The following BEST3 variants were observed in gnomAD, a reference collection of about 807,000 sequenced individuals.
BEST3 encodes the protein bestrophin-3.
A neutral mutation model predicts 47.1 loss-of-function variants in BEST3; 50 were observed. The ratio of observed to expected loss-of-function variants is 1.06; its 90% confidence interval spans 0.85 to 1.34. The LOEUF is 1.34. Among genes scored for constraint, BEST3 ranks in the 40% most tolerant of loss-of-function variants. The pLI is 0.00. For missense variants in BEST3, 765 were observed against 817.0 expected (o/e 0.94, Z 0.78); for synonymous variants, 282 against 298.8 (o/e 0.94, Z 0.58).
At position 69,699,297 on chromosome 12, in the gene BEST3, C is replaced by T. The variant is rs543360668; in HGVS notation, c.-108G>A. 11 of 985,392 alleles carry T rather than the reference C, an allele frequency of 1.1e-5. No individual in the cohort carries two copies. The African/African-American group carries it at 1.4e-4, about 13-fold the overall frequency. 61.0% of individuals were successfully genotyped at this position (985,392 alleles called of 1,614,324 possible). On this transcript the variant is annotated 5_prime_UTR_variant, in exon 1 of 10. Transcript: ENST00000330891. ...TGCCTTCAGGTCGGTGCTGCACGCCCGGTGTCACCCTTCGCTCGTGCACAG... is the reference window on the plus strand; with the variant it reads ...TGCCTTCAGGTCGGTGCTGCACGCCTGGTGTCACCCTTCGCTCGTGCACAG...
At chr12:69,662,485 T>A (rs775510) in intron 9 of BEST3, among the ~76,000 whole-genome samples, 120,844 of 152,174 alleles carry the variant, frequency 0.79, 48,231 homozygotes, top group African/African-American at 0.87. Context: ...ACTAAAAATA[T>A]TTCTGACCTA....
chr12:69,694,387 G>A lies in BEST3; in HGVS notation c.230C>T (p.Pro77Leu). The A allele has an allele frequency of 1.9e-6, 3 of 1,605,184 alleles. No homozygotes were observed. Among genetic ancestry groups the A allele is most frequent in the Non-Finnish European group, 2.6e-6 (3 of 1,175,524 alleles). ...ATACTTACCAAGCACAAAGGTTACT[G>A]GAATTTGTTCAGCATATCTGTCACA... The part of the protein sequence containing the change: ...IYCDRYAEQI[P>L]VTFVLGFYVT... The change falls in exon 3 of 10, where the codon CCA (proline) becomes CTA (leucine). Residue 77 changes from proline to leucine, a missense_variant. Physicochemically the swap from Pro to Leu is moderately conservative, Grantham distance 98. Coordinates refer to ENST00000330891, the MANE Select transcript of BEST3 (RefSeq NM_032735.3).
chr12:69,649,767 C>T (rs375811491), downstream of BEST3, among the ~76,000 whole-genome samples: 16 of 152,344 alleles, frequency 1.1e-4, no homozygotes, highest in African/African-American at 3.8e-4. Context: ...TATCTCCAGA[C>T]ATTGTCAAAT....
chr12:69,664,624 G>A (rs1234860643), intron 9 of BEST3, among the ~76,000 whole-genome samples: 2 of 151,142 alleles, frequency 1.3e-5, no homozygotes, highest in African/African-American at 2.4e-5. Flanking sequence ...AGGATTTGAT[G>A]TGGCCTTCTG....
intron 9 of BEST3, among the ~76,000 whole-genome samples, chr12:69,666,351 T>A (rs1031679471): frequency 6.6e-6 from 1 of 152,210 alleles, no homozygotes; most frequent in African/African-American, 2.4e-5. Flanking sequence ...AATTATTTTT[T>A]AAAAACAGCT....
At chr12:69,698,220 T>C (rs2068191) in intron 1 of BEST3, among the ~76,000 whole-genome samples, 34,780 of 152,148 alleles carry the variant, frequency 0.23, 5,072 homozygotes, top group African/African-American at 0.42. Context: ...TTAGCACTCA[T>C]TGCATTTCAA....
chr12:69,691,098 C>T (rs1457327080), intron 4 of BEST3, among the ~76,000 whole-genome samples: 2 of 152,060 alleles, frequency 1.3e-5, no homozygotes, highest in Non-Finnish European at 2.9e-5. Context: ...ATAAAAAAGA[C>T]CTGGGATATT....
intron 9 of BEST3, among the ~76,000 whole-genome samples, chr12:69,656,666 G>A (rs1883521638): frequency 6.6e-6 from 1 of 152,000 alleles, no homozygotes; most frequent in Non-Finnish European, 1.5e-5. Flanking sequence ...TATAAAGTGA[G>A]GTATTAGTAT....
chr12:69,671,538 G>C lies in BEST3; in HGVS notation c.990C>G (p.Pro330=). 6.2e-7 allele frequency: 1 copy of C among 1,613,848 alleles called. No individual in the cohort carries two copies. Residue 330 remains proline (P), a synonymous_variant, in exon 9 of 10, where the codon CCC becomes CCG. Coordinates refer to ENST00000330891, the MANE Select transcript of BEST3 (RefSeq NM_032735.3). Reference sequence around the variant, plus strand: ...CCCAGTAAATGTCCTTCTTCATCTTGGGTAAGCTCATGTGCATTTCGTCCA... The same window carrying C: ...CCCAGTAAATGTCCTTCTTCATCTTCGGTAAGCTCATGTGCATTTCGTCCA... ...LAVDEMHMSL[P]KMKKDIYWDD...
Position 69,694,291 on chromosome 12 carries a change from A to T in BEST3, c.247+79T>A, listed in dbSNP as rs546635861. On this transcript the variant is annotated intron_variant, in intron 3 of 9. Coordinates refer to ENST00000330891, the MANE Select transcript of BEST3 (RefSeq NM_032735.3). ...TTCAGGCATGCCTCTCAGCTTGGAA[A>T]CACTCCCATGCAGAGTCATCGGTGT... 6 of 851,650 alleles carry T rather than the reference A, an allele frequency of 7.0e-6. No homozygotes were observed. The East Asian group carries it at 1.4e-4, about 19-fold the overall frequency. The allele number at this position is 851,650 out of a possible 1,614,324, so 52.8% of individuals were successfully genotyped here.
intron 9 of BEST3, chr12:69,670,375 C>A: frequency 1.5e-6 from 1 of 687,252 alleles, no homozygotes; most frequent in Non-Finnish European, 2.6e-6. Flanking sequence ...ATGTGCTTTG[C>A]GGGCAACAAG....
At chr12:69,662,348 A>G (rs574976814) in intron 9 of BEST3, among the ~76,000 whole-genome samples, 1 of 152,330 alleles carries the variant, frequency 6.6e-6, no homozygotes, top group South Asian at 2.1e-4. Flanking sequence ...TTGTAAAGCT[A>G]AAATATTTGA....
intron 8 of BEST3, 46 bp from the exon 9 acceptor site, chr12:69,671,625 A>T: frequency 6.3e-7 from 1 of 1,594,892 alleles, no homozygotes; most frequent in Non-Finnish European, 8.6e-7. Flanking sequence ...TGTAAATTAA[A>T]TAAAAAGGAG....
chr12:69,658,050 A>C (rs992388517), intron 9 of BEST3, among the ~76,000 whole-genome samples: 3 of 152,114 alleles, frequency 2.0e-5, no homozygotes, highest in Non-Finnish European at 4.4e-5. Context: ...GGAGGAGGAC[A>C]CCAGAGGAGC....
rs574388772 is a variant in BEST3, at chr12:69,656,199, G to T, written c.1101-386C>A. Among the ~76,000 whole-genome samples, 11 of 152,218 alleles carry T rather than the reference G, an allele frequency of 7.2e-5. No homozygotes were observed. The East Asian group carries it at 1.9e-3, about 27-fold the overall frequency. ...CCACTGGACACTCTTGACAGAATGA[G>T]AATGAAAAAGGCAAATAACATGTTG... On this transcript the variant is annotated intron_variant, in intron 9 of 9. Transcript: ENST00000330891.
At chr12:69,651,725 A>C (rs1336738159), downstream of BEST3, among the ~76,000 whole-genome samples, 2 of 150,420 alleles carry the variant, frequency 1.3e-5, no homozygotes, top group Non-Finnish European at 3.0e-5. Context: ...CAGTGAGCAG[A>C]GATTGTGCCA....
intron 9 of BEST3, among the ~76,000 whole-genome samples, chr12:69,662,927 G>A (rs1883955424): frequency 1.3e-5 from 2 of 152,204 alleles, no homozygotes; most frequent in Admixed American, 6.5e-5. Flanking sequence ...GGACACACTT[G>A]AGTGATCCAT....
At chr12:69,660,597 T>G (rs1273074762) in intron 9 of BEST3, 1 of 152,170 alleles carries the variant, frequency 6.6e-6, no homozygotes, top group Non-Finnish European at 1.5e-5. Flanking sequence ...TGTTTTTTTT[T>G]GTGCCATTTT....
chr12:69,649,379 G>A (rs1045830652), downstream of BEST3, among the ~76,000 whole-genome samples: 1 of 152,220 alleles, frequency 6.6e-6, no homozygotes, highest in Non-Finnish European at 1.5e-5. Context: ...TTACTGGTAG[G>A]AGCCATTCAA....
Sources: allele counts gnomAD v4.1 joint callset (sites outside exome capture counted in the v4.1 genomes callset), GRCh38; gene constraint gnomAD v4.1.1; transcripts MANE v1.5; gene names NCBI Gene and HGNC (gene_info 2026-07-23, HGNC 2026-07-21).